The following XIRP2 variants were observed in gnomAD, a reference collection of about 807,000 sequenced individuals.
The protein encoded by XIRP2 is xin actin-binding repeat-containing protein 2.
XIRP2 carries 236 observed loss-of-function variants against 277.0 expected under a neutral mutation model. That is an observed-to-expected ratio of 0.85 (90% confidence interval 0.77 to 0.95). The LOEUF is 0.95. Among genes scored for constraint, XIRP2 ranks in the 40% least tolerant of loss-of-function variants. XIRP2 has a pLI of 0.00. For missense variants in XIRP2, 4,640 were observed against 4,157.5 expected (o/e 1.12, Z -3.19); for synonymous variants, 1,490 against 1,416.5 (o/e 1.05, Z -1.17).
At chr2:167,038,973 C>G (rs1688586300) in intron 2 of XIRP2, among the ~76,000 whole-genome samples, 1 of 152,080 alleles carries the variant, frequency 6.6e-6, no homozygotes, top group Non-Finnish European at 1.5e-5. Flanking sequence ...ACAAGCAAAA[C>G]AGCTGACCAC....
At chr2:167,229,629 A>T (rs1489240782) in intron 5 of XIRP2, among the ~76,000 whole-genome samples, 1 of 152,152 alleles carries the variant, frequency 6.6e-6, no homozygotes, top group Non-Finnish European at 1.5e-5. Context: ...AAATAAACCC[A>T]TCTTCATGGG....
At chr2:166,999,823 T>C (rs1035061715) in intron 2 of XIRP2, among the ~76,000 whole-genome samples, 3 of 152,174 alleles carry the variant, frequency 2.0e-5, no homozygotes, top group Non-Finnish European at 4.4e-5. Context: ...CAAGTCATTC[T>C]GGTGTAATTT....
At chr2:167,007,693 T>TCACACA (rs1413612446) in intron 2 of XIRP2, among the ~76,000 whole-genome samples, 22 of 118,284 alleles carry the variant, frequency 1.9e-4, no homozygotes, top group African/African-American at 6.9e-4. Flanking sequence ...TCTCTCTCTC[T>TCACACA]CTCTCTCTCT....
chr2:167,001,093 T>C (rs897955828), intron 2 of XIRP2, among the ~76,000 whole-genome samples: 12 of 152,316 alleles, frequency 7.9e-5, no homozygotes, highest in African/African-American at 2.6e-4. Flanking sequence ...ATTAGTTTAA[T>C]ATTTTCTTAA....
chr2:167,178,662 T>C (rs1174485921), intron 3 of XIRP2, among the ~76,000 whole-genome samples: 1 of 152,172 alleles, frequency 6.6e-6, no homozygotes, highest in Non-Finnish European at 1.5e-5. Flanking sequence ...CTTTTTTTTT[T>C]CTTTTTGTAT....
Position 167,030,641 on chromosome 2 carries a change from A to G in XIRP2, c.409-105268A>G, listed in dbSNP as rs112583889. On this transcript the variant is annotated intron_variant, in intron 2 of 10. Transcript: ENST00000409195. ...TGTTTTACTTTGACTTATGTGATCA[A>G]TTTTAGAATAAGTGCGATGTGGTGC... 6.1e-3 allele frequency among the ~76,000 whole-genome samples: 933 copies of G among 152,216 alleles called. 11 individuals carry two copies. Among genetic ancestry groups the G allele is most frequent in the African/African-American group, 0.021 (877 of 41,546 alleles).
At chr2:167,026,047 G>C (rs937329200) in intron 2 of XIRP2, among the ~76,000 whole-genome samples, 19 of 151,974 alleles carry the variant, frequency 1.3e-4, no homozygotes, top group Non-Finnish European at 2.1e-4. Context: ...CTAATGTTGA[G>C]TGTGGGGTGT....
At chr2:167,149,678 G>GA (rs11442704) in intron 3 of XIRP2, among the ~76,000 whole-genome samples, 15,174 of 151,322 alleles carry the variant, frequency 0.1, 829 homozygotes, top group South Asian at 0.16. Flanking sequence ...AGAAATATTG[G>GA]AAAAAATATA....
At chr2:166,910,492 T>G (rs1245205008) in intron 2 of XIRP2, among the ~76,000 whole-genome samples, 1 of 152,170 alleles carries the variant, frequency 6.6e-6, no homozygotes, top group African/African-American at 2.4e-5. Flanking sequence ...ATCTATTTGA[T>G]TCTTCTCTCT....
chr2:167,080,023 C>T (rs1558971685), intron 2 of XIRP2, among the ~76,000 whole-genome samples: 3 of 151,288 alleles, frequency 2.0e-5, no homozygotes, highest in Non-Finnish European at 4.4e-5. Context: ...TTTATCCAAA[C>T]ATAAAATAAA....
chr2:167,092,654 A>G (rs1047233580), intron 2 of XIRP2, among the ~76,000 whole-genome samples: 1 of 152,120 alleles, frequency 6.6e-6, no homozygotes, highest in Non-Finnish European at 1.5e-5. Flanking sequence ...CATTTTTTAA[A>G]ACTTTCTTGG....
intron 2 of XIRP2, among the ~76,000 whole-genome samples, chr2:167,001,326 A>T (rs1687363017): frequency 1.3e-5 from 2 of 152,126 alleles, no homozygotes; most frequent in South Asian, 4.1e-4. Flanking sequence ...GTATTTTCTG[A>T]AAGGCCACAA....
At chr2:166,910,972 G>A (rs1684684314) in intron 2 of XIRP2, among the ~76,000 whole-genome samples, 1 of 152,196 alleles carries the variant, frequency 6.6e-6, no homozygotes, top group Non-Finnish European at 1.5e-5. Flanking sequence ...ACTGTGGTCT[G>A]AGAGACAGGT....
intron 2 of XIRP2, among the ~76,000 whole-genome samples, chr2:167,051,485 T>C (rs1688913006): frequency 6.6e-6 from 1 of 152,148 alleles, no homozygotes; most frequent in Admixed American, 6.6e-5. Flanking sequence ...TTTGATATAA[T>C]GATATGTGTA....
Position 167,250,810 on chromosome 2 carries a change from G to T in XIRP2, c.9418G>T (p.Glu3140Ter). 6.2e-7 allele frequency: 1 copy of T among 1,613,052 alleles called. No homozygotes were observed. Among genetic ancestry groups the T allele is most frequent in the Non-Finnish European group, 8.5e-7 (1 of 1,179,636 alleles). ...ARRTENPTKN[E>*]LSQSPKKDSY... ...ACGAACAGAAAACCCTACTAAGAAC[G>T]AGCTTTCTCAGTCCCCTAAAAAGGA... The change falls in exon 9 of 11, where the codon GAG becomes TAG. Residue 3140 changes from glutamate to a stop codon, truncating the protein, a stop_gained. Transcript: ENST00000409195. LOFTEE classifies it high-confidence loss of function.
At chr2:167,175,650 A>G (rs112680044) in intron 3 of XIRP2, among the ~76,000 whole-genome samples, 15,019 of 152,130 alleles carry the variant, frequency 0.099, 794 homozygotes, top group South Asian at 0.16. Context: ...ATGTCCCTTA[A>G]CAGAGCTTGA....
chr2:167,040,389 C>T (rs763416116), intron 2 of XIRP2, among the ~76,000 whole-genome samples: 1 of 152,092 alleles, frequency 6.6e-6, no homozygotes, highest in East Asian at 1.9e-4. Context: ...TCATTCCTTA[C>T]CCCAAGTAGA....
chr2:166,949,823 A>T (rs1004070808), intron 2 of XIRP2, among the ~76,000 whole-genome samples: 6 of 152,206 alleles, frequency 3.9e-5, no homozygotes, highest in South Asian at 2.1e-4. Flanking sequence ...TGTGTCATAC[A>T]TTGTGTTTAT....
intron 2 of XIRP2, among the ~76,000 whole-genome samples, chr2:167,082,205 T>C (rs148401199): frequency 0.12 from 17,600 of 151,812 alleles, 2,154 homozygotes; most frequent in African/African-American, 0.31. Flanking sequence ...GTTTGGTTTT[T>C]TGTTCTTGCG....
Sources: gnomAD v4.1 joint callset for allele counts (sites outside exome capture counted in the v4.1 genomes callset) on GRCh38, gnomAD v4.1.1 for gene constraint, MANE v1.5 for transcripts, NCBI Gene and HGNC (gene_info 2026-07-23, HGNC 2026-07-21) for gene names.